Variants in SLX4 observed in about 807,000 individuals in gnomAD.
SLX4 encodes the protein SLX4 structure-specific endonuclease subunit.
A neutral mutation model predicts 146.2 loss-of-function variants in SLX4; 112 were observed. That is an observed-to-expected ratio of 0.77 (90% CI 0.66 to 0.90). The LOEUF (loss-of-function observed/expected upper bound fraction) is 0.90. SLX4 is among the 40% of genes least tolerant of loss of function. SLX4 has a pLI of 0.00. For synonymous variants in SLX4, 1,061 were observed against 997.7 expected, an observed-to-expected ratio of 1.06 and a Z score of -1.20; for missense variants, 2,563 against 2,392.7, an observed-to-expected ratio of 1.07 and a Z score of -1.49.
intron 1 of SLX4, among the ~76,000 whole-genome samples, chr16:3,610,068 T>C (rs1279370773): frequency 2.0e-5 from 3 of 152,246 alleles, no homozygotes; most frequent in Non-Finnish European, 4.4e-5. Flanking sequence ...ATGACTGGAA[T>C]GTCGCCTGTG....
rs1357300588 is a variant in SLX4 at position 3,597,451 on chromosome 16, A to G, written c.1611T>C (p.Thr537=). Residue 537 remains threonine, a synonymous_variant, in exon 7 of 15, where the codon ACT becomes ACC. Coordinates refer to ENST00000294008, the MANE Select transcript of SLX4 (RefSeq NM_032444.4). The surrounding 1 kb of genome is among the most constrained non-coding windows in gnomAD (Gnocchi z 4.4). The part of the protein sequence containing the change: ...QSFLWEGSAL[T]GAWAMEDFYT... ...AGAAGTCCTCCATGGCCCAGGCCCC[A>G]GTCAGTGCGCTGCCCTCCCACAGAA... 1.9e-6 allele frequency: 3 copies of G among 1,612,614 alleles called. No homozygotes were observed. In the South Asian group the frequency reaches 3.3e-5, roughly 18 times the overall value.
At chr16:3,595,525 C>T in intron 9 of SLX4, 80 bp downstream of exon 9, 5 of 1,509,016 alleles carry the variant, frequency 3.3e-6, no homozygotes, top group Non-Finnish European at 3.7e-6. Flanking sequence ...GGCCAGAGGC[C>T]AGCGGTGAGC....
chr16:3,602,124 A>G lies in SLX4; in HGVS notation c.944T>C (p.Val315Ala), dbSNP rs770465673. The change falls in exon 4 of 15, where the codon GTG becomes GCG. Residue 315 changes from valine (V) to alanine (A), a missense_variant. Val to Ala is a moderately conservative substitution (Grantham distance 64, BLOSUM62 0). Transcript: ENST00000294008. ...CGGCCCAAGCTGCCCCCACCTGTTC[A>G]CATGCTGTTCCCTTCGGGTCACGTT... ...AMNVTRREQH[V>A]NRCLDEAEKT... 4 of 1,614,088 alleles carry G rather than the reference A, an allele frequency of 2.5e-6. No individual in the cohort carries two copies. In the South Asian group the frequency reaches 4.4e-5, roughly 18 times the overall value.
Position 3,596,241 on chromosome 16 carries a change from C to T in SLX4, c.1836G>A (p.Leu612=). The change falls in exon 8 of 15, where the codon CTG becomes CTA. Residue 612 remains leucine, a synonymous_variant. Transcript: ENST00000294008. The part of the protein sequence containing the change: ...PSASQREHQA[L]QDLVDLAREG... ...CCCTCGCCAGGTCCACGAGGTCCTG[C>T]AGGGCCTGGTGCTCCCTCTGGCTGG... 1 of 1,554,398 alleles carries T rather than the reference C, an allele frequency of 6.4e-7. No individual in the cohort carries two copies. The highest frequency in any genetic ancestry group is 8.7e-7 in the Non-Finnish European group (1 of 1,150,976).
Position 3,589,547 on chromosome 16 carries a change from CCT to C in SLX4, c.4089_4090del (p.Asp1365ProfsTer26), listed in dbSNP as rs748930384. ...CCGCCTGCTGAAGTGGGCGCGGTCC[CCT>C]GAGATGGGATGTGGAGCCAGCGGAG... On this transcript the variant is annotated frameshift_variant, in exon 12 of 15. Transcript: ENST00000294008. LOFTEE classifies it high-confidence loss of function. This position sits in a 1 kb window ranked among gnomAD's most constrained non-coding sequence, Gnocchi z 6.2. 3.2e-5 allele frequency: 52 copies of C among 1,611,684 alleles called. No homozygotes were observed. The highest frequency in any genetic ancestry group is 4.5e-5 in the East Asian group (2 of 44,828).
intron 12 of SLX4, among the ~76,000 whole-genome samples, chr16:3,586,205 G>C (rs2040506542): frequency 6.6e-6 from 1 of 152,142 alleles, no homozygotes; most frequent in African/African-American, 2.4e-5. Context: ...ATATTCCTAA[G>C]TGGCATTATT....
intron 12 of SLX4, among the ~76,000 whole-genome samples, chr16:3,587,894 G>C (rs2040525654): frequency 6.6e-6 from 1 of 151,350 alleles, no homozygotes; most frequent in Admixed American, 6.6e-5. Flanking sequence ...GCTCAGCCCA[G>C]CCCGGCCTGT....
chr16:3,590,062 A>G lies in SLX4; in HGVS notation c.3576T>C (p.Phe1192=). The change falls in exon 12 of 15, where the codon TTT becomes TTC. Residue 1192 remains phenylalanine (F), a synonymous_variant. Transcript: ENST00000294008. This position sits in a 1 kb window ranked among gnomAD's most constrained non-coding sequence, Gnocchi z 4.8. The part of the protein sequence containing the change: ...LEISPRSCEL[F]SIIDVDADQE... ...GATCTGCATCAACATCAATGATGGA[A>G]AACAGCTCACAGGACCTAGGGCTAA... The G allele has an allele frequency of 6.2e-7, 1 of 1,614,194 alleles. No individual in the cohort carries two copies. Among genetic ancestry groups the G allele is most frequent in the South Asian group, 1.1e-5 (1 of 91,072 alleles).
rs2040542060 is a variant in SLX4 at position 3,589,113 on chromosome 16, C to G, written c.4525G>C (p.Ala1509Pro). Reference protein sequence around the residue: ...GNSRPSFLNSALWDVWDGEEQ... With the variant: ...GNSRPSFLNSPLWDVWDGEEQ... ...TCCCCGTCCCAAACGTCCCACAGAG[C>G]CGAATTCAGAAAGCTCGGCCTGCTA... The change falls in exon 12 of 15, where the codon GCT becomes CCT. Residue 1509 changes from alanine to proline, a missense_variant. Transcript: ENST00000294008. The surrounding 1 kb of genome is among the most constrained non-coding windows in gnomAD (Gnocchi z 6.2). The G allele has an allele frequency of 1.2e-6, 2 of 1,613,964 alleles. No homozygotes were observed. The highest frequency in any genetic ancestry group is 1.3e-5 in the African/African-American group (1 of 74,904).
Position 3,597,483 on chromosome 16 carries a change from G to C in SLX4, c.1579C>G (p.Gln527Glu). The C allele has an allele frequency of 1.2e-6, 2 of 1,614,032 alleles. No individual in the cohort carries two copies. Among genetic ancestry groups the C allele is most frequent in the Non-Finnish European group, 1.7e-6 (2 of 1,180,014 alleles). Residue 527 changes from glutamine to glutamate, a missense_variant, in exon 7 of 15, where the codon CAG becomes GAG. By Grantham distance (29) the Gln-to-Glu change is conservative (BLOSUM62 2). Coordinates refer to ENST00000294008, the MANE Select transcript of SLX4 (RefSeq NM_032444.4). This position sits in a 1 kb window ranked among gnomAD's most constrained non-coding sequence, Gnocchi z 4.4. ...GCGCTGCCCTCCCACAGAAAGCTCT[G>C]CTTGCGTTCAGGTGGAGGAGGACAC... ...GQCPPPPERK[Q>E]SFLWEGSALT...
At position 3,582,345 on chromosome 16, in the gene SLX4, G is replaced by T; in HGVS notation, c.5502C>A (p.Asn1834Lys). Residue 1834 changes from asparagine to lysine, a missense_variant, in exon 15 of 15, where the codon AAC (asparagine) becomes AAA (lysine). Coordinates refer to ENST00000294008, the MANE Select transcript of SLX4 (RefSeq NM_032444.4). ...QPRGKKKVER[N>K] ...GGGTGGGGTCGGGATGGCCCCATCA[G>T]TTCCGCTCCACCTTCTTCTTGCCCC... 1 of 1,610,934 alleles carries T rather than the reference G, an allele frequency of 6.2e-7. No individual in the cohort carries two copies. Among genetic ancestry groups the T allele is most frequent in the Middle Eastern group, 2.1e-4 (1 of 4,668 alleles).
intron 5 of SLX4, among the ~76,000 whole-genome samples, chr16:3,599,421 C>T (rs773104021): frequency 6.6e-6 from 1 of 152,244 alleles, no homozygotes; most frequent in South Asian, 2.1e-4. Context: ...AGCAGGGCAG[C>T]GTGGAGCAGG....
At chr16:3,602,358 A>C in intron 3 of SLX4, 51 bp from the exon 4 acceptor site, 149 of 1,595,590 alleles carry the variant, frequency 9.3e-5, no homozygotes, top group Middle Eastern at 3.3e-4. Context: ...AGACAAGCTC[A>C]CCCTCAGACC....
chr16:3,582,399 C>A lies in SLX4; in HGVS notation c.5448G>T (p.Glu1816Asp), dbSNP rs761324394. 1.9e-6 allele frequency: 3 copies of A among 1,613,948 alleles called. No individual in the cohort carries two copies. In the South Asian group the frequency reaches 3.3e-5, roughly 18 times the overall value. ...ITFTTAATRR[E>D]KLQGRRRQPR... ...GCTGCCGCCTCCTGCCCTGGAGCTT[C>A]TCCCTGCGGGTGGCGGCAGTGGTGA... is the stretch of plus-strand genomic sequence containing the variant. The change falls in exon 15 of 15, where the codon GAG becomes GAT. Residue 1816 changes from glutamate to aspartate, a missense_variant. Glu to Asp is a conservative substitution (Grantham distance 45). Transcript: ENST00000294008.
rs551757021 is a variant in SLX4 at position 3,596,362 on chromosome 16, A to T, written c.1715T>A (p.Val572Glu). Residue 572 changes from valine to glutamate, a missense_variant, in exon 8 of 15, where the codon GTG becomes GAG. By Grantham distance (121) the Val-to-Glu change is moderately radical. Coordinates refer to ENST00000294008, the MANE Select transcript of SLX4 (RefSeq NM_032444.4). ...GCTCAGCTCTGAGTGCTCAGGTGGCACCAGAGGCGGCACGGGCTCCTGCAT... is the reference window on the plus strand; with the variant it reads ...GCTCAGCTCTGAGTGCTCAGGTGGCTCCAGAGGCGGCACGGGCTCCTGCAT... The part of the protein sequence containing the change: ...GLMQEPVPPL[V>E]PPEHSELSER... 1 of 1,597,196 alleles carries T rather than the reference A, an allele frequency of 6.3e-7. No individual in the cohort carries two copies. Among genetic ancestry groups the T allele is most frequent in the South Asian group, 1.1e-5 (1 of 89,352 alleles).
chr16:3,607,634 A>G (rs1208713833), intron 2 of SLX4, among the ~76,000 whole-genome samples: 5 of 152,130 alleles, frequency 3.3e-5, no homozygotes, highest in East Asian at 3.9e-4. Context: ...GCAGTAAGCT[A>G]TGATAGCACC....
At chr16:3,602,597 C>T (rs536743038) in intron 3 of SLX4, among the ~76,000 whole-genome samples, 12 of 152,206 alleles carry the variant, frequency 7.9e-5, no homozygotes, top group African/African-American at 2.7e-4. Flanking sequence ...TGAGACTCTC[C>T]GCATTTCTAG....
chr16:3,592,797 C>T lies in SLX4; in HGVS notation c.2229G>A (p.Val743=), dbSNP rs1430858641. The change falls in exon 11 of 15, where the codon GTG becomes GTA. Residue 743 remains valine (V), a synonymous_variant. Transcript: ENST00000294008. The stretch of plus-strand genomic sequence containing the variant: ...GGAACGTGCGGGCGGCCTCGGTGCT[C>T]ACGTCACCCAGCAGGACACGCTGGG... ...VLTQRVLLGD[V]STEAARTFLH... The T allele has an allele frequency of 6.2e-7, 1 of 1,612,438 alleles. No individual in the cohort carries two copies. The highest frequency in any genetic ancestry group is 8.5e-7 in the Non-Finnish European group (1 of 1,180,034).
intron 14 of SLX4, 71 bp downstream of exon 14, chr16:3,583,026 C>T: frequency 6.3e-7 from 1 of 1,578,512 alleles, no homozygotes; most frequent in Non-Finnish European, 8.7e-7. Flanking sequence ...AGGTCTCACT[C>T]GTGCCAACCC....
Sources: allele counts gnomAD v4.1 joint callset (sites outside exome capture counted in the v4.1 genomes callset), GRCh38; gene constraint gnomAD v4.1.1; non-coding constraint Gnocchi (gnomAD v3.1); transcripts MANE v1.5; gene names NCBI Gene and HGNC (gene_info 2026-07-23, HGNC 2026-07-21).